Variants in ZC2HC1A observed in about 807,000 individuals in gnomAD.
ZC2HC1A encodes zinc finger C2HC domain-containing protein 1A.
In ZC2HC1A, 28 loss-of-function variants were observed where a neutral mutation model predicts 40.7. The ratio of observed to expected loss-of-function variants is 0.69; its 90% CI spans 0.51 to 0.94. The LOEUF is 0.94. ZC2HC1A is among the 40% of genes least tolerant of loss of function. The pLI is 0.00. For synonymous variants in ZC2HC1A, 129 were observed against 129.2 expected (o/e 1.00, Z 0.01); for missense variants, 389 against 386.3 (o/e 1.01, Z -0.06).
intron 7 of ZC2HC1A, among the ~76,000 whole-genome samples, chr8:78,711,130 C>G (rs1302091251): frequency 3.3e-5 from 5 of 152,084 alleles, no homozygotes; most frequent in African/African-American, 1.2e-4. Flanking sequence ...GCAAATATCT[C>G]TTAAAAAGAA....
chr8:78,678,808 C>A lies in ZC2HC1A; in HGVS notation c.210+129C>A. On this transcript the variant is annotated intron_variant, in intron 3 of 8. Transcript: ENST00000263849. ...CTACATTAAGATTAAAGAATAAATA[C>A]AATTCTGTGTTATATGTTCAGTTTA... The A allele has an allele frequency of 7.4e-6, 4 of 542,842 alleles. No homozygotes were observed. In the South Asian group the frequency reaches 1.8e-4, roughly 25 times the overall value. 33.6% of individuals were successfully genotyped at this position (542,842 alleles called of 1,614,324 possible). A position where few individuals can be genotyped will look rare whatever the true frequency, so the allele number is the denominator to read the frequency against.
intron 7 of ZC2HC1A, among the ~76,000 whole-genome samples, chr8:78,710,691 A>T (rs912923506): frequency 3.9e-5 from 6 of 152,096 alleles, no homozygotes; most frequent in Non-Finnish European, 7.4e-5. Context: ...ATAAAATCTG[A>T]ATGTTTAAAA....
intron 3 of ZC2HC1A, among the ~76,000 whole-genome samples, chr8:78,681,252 G>A (rs1455633333): frequency 6.6e-6 from 1 of 152,040 alleles, no homozygotes; most frequent in Non-Finnish European, 1.5e-5. Context: ...GCTGTACCAG[G>A]AAATCTATGC....
chr8:78,666,115 G>A lies in ZC2HC1A; in HGVS notation c.-34G>A, dbSNP rs1809288234. On this transcript the variant is annotated 5_prime_UTR_variant, in exon 1 of 9. Transcript: ENST00000263849. ...GAGCTGGGCGGTGGCGGGCGCTGCT[G>A]AAGGAGTCTCGCTGAGCTCGAGGAG... 6.4e-7 allele frequency: 1 copy of A among 1,561,326 alleles called. No individual in the cohort carries two copies. The highest frequency in any genetic ancestry group is 8.7e-7 in the Non-Finnish European group (1 of 1,152,682).
chr8:78,692,395 T>A (rs1810240068), intron 5 of ZC2HC1A, among the ~76,000 whole-genome samples: 1 of 152,240 alleles, frequency 6.6e-6, no homozygotes, highest in Non-Finnish European at 1.5e-5. Flanking sequence ...ATCTGCCACC[T>A]GTGGTCATTT....
intron 3 of ZC2HC1A, among the ~76,000 whole-genome samples, chr8:78,682,172 C>T (rs1038829817): frequency 2.6e-5 from 4 of 152,040 alleles, no homozygotes; most frequent in African/African-American, 9.7e-5. Flanking sequence ...GCATGTGAGC[C>T]AGCATCATGT....
Position 78,672,967 on chromosome 8 carries a change from A to G in ZC2HC1A, c.17-2820A>G, listed in dbSNP as rs139447747. 4.4e-3 allele frequency among the ~76,000 whole-genome samples: 665 copies of G among 152,186 alleles called. 5 individuals are homozygous for G. Among genetic ancestry groups the G allele is most frequent in the African/African-American group, 0.015 (637 of 41,508 alleles). On this transcript the variant is annotated intron_variant, in intron 1 of 8. Coordinates refer to ENST00000263849, the MANE Select transcript of ZC2HC1A (RefSeq NM_016010.3). ...GAACGTGCAGGCTTGTTATACAGGT[A>G]TACATGTGCCATGGTGGTTTGCTGC...
intron 7 of ZC2HC1A, 67 bp from the exon 8 acceptor site, chr8:78,715,154 A>C: frequency 1.5e-6 from 2 of 1,360,532 alleles, no homozygotes; most frequent in Non-Finnish European, 2.0e-6. Flanking sequence ...AGTCATGTGA[A>C]TAGGTAATTT....
chr8:78,683,422 G>C (rs1809854778), intron 3 of ZC2HC1A, among the ~76,000 whole-genome samples: 1 of 152,212 alleles, frequency 6.6e-6, no homozygotes, highest in South Asian at 2.1e-4. Context: ...TCAACACCAT[G>C]TGGAAGCTGC....
At chr8:78,671,486 G>T (rs1293287925) in intron 1 of ZC2HC1A, among the ~76,000 whole-genome samples, 1 of 152,110 alleles carries the variant, frequency 6.6e-6, no homozygotes, top group Non-Finnish European at 1.5e-5. Context: ...TGCAAAATTT[G>T]CTAGTTTTTG....
chr8:78,670,594 TAA>T (rs1322276996), intron 1 of ZC2HC1A, among the ~76,000 whole-genome samples: 1 of 152,158 alleles, frequency 6.6e-6, no homozygotes, highest in East Asian at 1.9e-4. Flanking sequence ...ATTCCTAGTA[TAA>T]ATGATGGGTC....
chr8:78,679,059 A>C (rs1325578197), intron 3 of ZC2HC1A: 1 of 153,564 alleles, frequency 6.5e-6, no homozygotes, highest in African/African-American at 2.4e-5. Context: ...TAATCTCTAC[A>C]TCCAAAAAGT....
In ZC2HC1A at chr8:78,687,484, TTA is replaced by T. The variant is rs949958330; in HGVS notation, c.352+882_352+883del. On this transcript the variant is annotated intron_variant, in intron 4 of 8. Transcript: ENST00000263849. ...TAATTATATATATATTTATATATAA[TTA>T]TATATGTTTATATAATAAATTATAT... 1.9e-3 allele frequency among the ~76,000 whole-genome samples: 276 copies of T among 144,858 alleles called. 1 individual carries two copies. The highest frequency in any genetic ancestry group is 2.4e-3 in the Non-Finnish European group (161 of 66,414).
Position 78,675,788 on chromosome 8 carries a change from G to C in ZC2HC1A, c.18G>C (p.Glu6Asp), listed in dbSNP as rs901730759. 6.2e-7 allele frequency: 1 copy of C among 1,606,144 alleles called. No individual in the cohort carries two copies. Among genetic ancestry groups the C allele is most frequent in the Non-Finnish European group, 8.5e-7 (1 of 1,175,290 alleles). The part of the protein sequence containing the change: MEGLE[E>D]NGGVVQVGEL... ...TTATTAAATTCCTTCCTGTTTTAGA[G>C]AATGGAGGTGTTGTCCAAGTTGGAG... The change falls in exon 2 of 9, where the codon GAG (glutamate) becomes GAC (aspartate). Residue 6 changes from glutamate to aspartate, a missense_variant and splice_region_variant. Coordinates refer to ENST00000263849, the MANE Select transcript of ZC2HC1A (RefSeq NM_016010.3).
intron 3 of ZC2HC1A, among the ~76,000 whole-genome samples, chr8:78,682,309 C>G (rs555324877): frequency 6.7e-6 from 1 of 149,410 alleles, no homozygotes; most frequent in Non-Finnish European, 1.5e-5. Flanking sequence ...ATGTATTAGT[C>G]CATTTTCCTA....
intron 7 of ZC2HC1A, among the ~76,000 whole-genome samples, chr8:78,711,401 T>G (rs1040147422): frequency 3.3e-5 from 5 of 152,078 alleles, no homozygotes; most frequent in Non-Finnish European, 7.4e-5. Flanking sequence ...CCCCTTACCA[T>G]TATTATATGT....
intron 7 of ZC2HC1A, among the ~76,000 whole-genome samples, chr8:78,713,026 G>A (rs543602184): frequency 1.2e-4 from 18 of 152,208 alleles, no homozygotes; most frequent in South Asian, 6.2e-4. Context: ...GCTGTGAGCC[G>A]TTTTTCATTT....
intron 8 of ZC2HC1A, among the ~76,000 whole-genome samples, chr8:78,716,241 G>A (rs1811097914): frequency 6.6e-6 from 1 of 151,312 alleles, no homozygotes; most frequent in Non-Finnish European, 1.5e-5. Flanking sequence ...TCCTGCCTCA[G>A]CCTCCCGAGT....
chr8:78,683,167 C>A (rs1809845220), intron 3 of ZC2HC1A, among the ~76,000 whole-genome samples: 1 of 151,456 alleles, frequency 6.6e-6, no homozygotes, highest in Non-Finnish European at 1.5e-5. Context: ...GGTGGATCTA[C>A]CATTCTGGGG....
Sources: allele counts gnomAD v4.1 joint callset (sites outside exome capture counted in the v4.1 genomes callset), GRCh38; gene constraint gnomAD v4.1.1; transcripts MANE v1.5; gene names NCBI Gene and HGNC (gene_info 2026-07-23, HGNC 2026-07-21).